The following VAV2 variants were observed in gnomAD, a reference collection of about 807,000 sequenced individuals.
VAV2 encodes the protein guanine nucleotide exchange factor VAV2.
A neutral mutation model predicts 132.5 loss-of-function variants in VAV2; 67 were observed. That is an observed-to-expected ratio of 0.51 (90% confidence interval 0.42 to 0.62). The LOEUF is 0.62. VAV2 is among the 20% of genes least tolerant of loss of function. VAV2 has a pLI of 0.00. For missense variants in VAV2, 938 were observed against 1,153.6 expected (o/e 0.81, Z 2.71); for synonymous variants, 492 against 443.5 (o/e 1.11, Z -1.37).
chr9:133,764,115 A>G lies in VAV2; in HGVS notation c.2590-6T>C, dbSNP rs1325417201. The G allele has an allele frequency of 1.9e-6, 3 of 1,610,992 alleles. No homozygotes were observed. In the Admixed American group the frequency reaches 5.0e-5, roughly 27 times the overall value. On this transcript the variant is annotated splice_region_variant and splice_polypyrimidine_tract_variant and intron_variant, in intron 29 of 29. Coordinates refer to ENST00000371850, the MANE Select transcript of VAV2 (RefSeq NM_001134398.2). ...GTTGAAGGAAACCAGCCAATCTGAA[A>G]AAGATGGTAAGATCGTGTCTGTGTG...
At chr9:133,815,860 G>C (rs1335560817) in intron 4 of VAV2, among the ~76,000 whole-genome samples, 1 of 152,158 alleles carries the variant, frequency 6.6e-6, no homozygotes, top group Admixed American at 6.6e-5. Flanking sequence ...AATTCCACTA[G>C]GACTGGAACT....
chr9:133,776,619 G>A (rs1037512651), intron 23 of VAV2, among the ~76,000 whole-genome samples: 3 of 152,162 alleles, frequency 2.0e-5, no homozygotes, highest in Non-Finnish European at 4.4e-5. Context: ...TGAGGCCTGG[G>A]GAAGGGAAGG....
Position 133,780,726 on chromosome 9 carries a change from GT to G in VAV2, c.1724-17del. Reference sequence around the variant, plus strand: ...GCAGGAGAAGCTGGAAAGGAAGCAGGTCAGGTGTTAGAGGGGAGGCCACCGA... The same window carrying G: ...GCAGGAGAAGCTGGAAAGGAAGCAGGCAGGTGTTAGAGGGGAGGCCACCGA... On this transcript the variant is annotated splice_polypyrimidine_tract_variant and intron_variant, in intron 19 of 29. Coordinates refer to ENST00000371850, the MANE Select transcript of VAV2 (RefSeq NM_001134398.2). The G allele has an allele frequency of 7.9e-7, 1 of 1,273,384 alleles. No individual in the cohort carries two copies. Among genetic ancestry groups the G allele is most frequent in the Non-Finnish European group, 1.0e-6 (1 of 1,001,444 alleles). 78.9% of individuals were successfully genotyped at this position (1,273,384 alleles called of 1,614,324 possible).
intron 2 of VAV2, among the ~76,000 whole-genome samples, chr9:133,920,815 G>A (rs1840271706): frequency 1.3e-5 from 2 of 152,136 alleles, no homozygotes; most frequent in African/African-American, 2.4e-5. Context: ...CTCCACTAGT[G>A]AAAGGGGCCC....
intron 21 of VAV2, among the ~76,000 whole-genome samples, chr9:133,779,351 T>C (rs966172406): frequency 4.5e-4 from 69 of 152,218 alleles, no homozygotes; most frequent in African/African-American, 1.6e-3. Flanking sequence ...CAAGCCTTGC[T>C]CTGACCCAGC....
In VAV2 at chr9:133,969,067, C is replaced by T. The variant is rs1842240447; in HGVS notation, c.204+23008G>A. On this transcript the variant is annotated intron_variant, in intron 1 of 29. Transcript: ENST00000371850. This position sits in a 1 kb window ranked among gnomAD's most constrained non-coding sequence, Gnocchi z 5.1. ...TGTTTTGGGTTTTGAGGCAGTTTGG[C>T]CGGGTGTCGGTGAAAGCCGTCTAGT... is the stretch of plus-strand genomic sequence containing the variant. Among the ~76,000 whole-genome samples, 4 of 152,102 alleles carry T rather than the reference C, an allele frequency of 2.6e-5. No homozygotes were observed. The highest frequency in any genetic ancestry group is 1.3e-4 in the Admixed American group (2 of 15,268).
intron 3 of VAV2, among the ~76,000 whole-genome samples, chr9:133,859,872 A>C (rs1240160903): frequency 6.6e-6 from 1 of 152,214 alleles, no homozygotes; most frequent in African/African-American, 2.4e-5. Context: ...TGGCGGAGGG[A>C]CTGGTGGGGC....
At chr9:133,909,198 A>T (rs759765308) in intron 2 of VAV2, among the ~76,000 whole-genome samples, 24 of 152,004 alleles carry the variant, frequency 1.6e-4, no homozygotes, top group Non-Finnish European at 3.1e-4. Context: ...CCCGGTGGAG[A>T]CAAATCTGGA....
intron 22 of VAV2, 145 bp from the exon 23 acceptor site, chr9:133,777,608 C>T (rs1008492993): frequency 2.3e-5 from 18 of 784,182 alleles, no homozygotes; most frequent in South Asian, 8.4e-5. Context: ...TCAGCTGACC[C>T]GGCAGCCAGT....
At chr9:133,771,909 C>T in intron 26 of VAV2, 50 bp downstream of exon 26, 1 of 1,542,008 alleles carries the variant, frequency 6.5e-7, no homozygotes, top group East Asian at 2.2e-5. Flanking sequence ...GAGGAAGCAC[C>T]TGTCCCCTGT....
chr9:133,869,248 A>G (rs571505927), intron 2 of VAV2, among the ~76,000 whole-genome samples: 33 of 152,190 alleles, frequency 2.2e-4, no homozygotes, highest in African/African-American at 7.5e-4. Context: ...TCGGCCTCCC[A>G]AAGTGCCGGG....
At chr9:133,896,208 A>G (rs1043226067) in intron 2 of VAV2, among the ~76,000 whole-genome samples, 1 of 152,224 alleles carries the variant, frequency 6.6e-6, no homozygotes, top group Non-Finnish European at 1.5e-5. Flanking sequence ...TAATCCCAGC[A>G]CTTTGGGAGC....
intron 2 of VAV2, among the ~76,000 whole-genome samples, chr9:133,938,032 G>A (rs542461579): frequency 1.4e-4 from 21 of 152,202 alleles, no homozygotes; most frequent in Non-Finnish European, 2.6e-4. Context: ...ACTTCCACAC[G>A]CTCCTCTCAG....
rs1272858720 is a variant in VAV2, at chr9:133,885,783, T to C, written c.322-24351A>G. 1.3e-5 allele frequency among the ~76,000 whole-genome samples: 2 copies of C among 152,132 alleles called. No homozygotes were observed. The highest frequency in any genetic ancestry group is 2.9e-5 in the Non-Finnish European group (2 of 68,024). ...CCCTGACCTCGCAAACCCACCACGG[T>C]GCCGGCACAAACCCTTCACAAAGCA... On this transcript the variant is annotated intron_variant, in intron 2 of 29. Transcript: ENST00000371850. This position sits in a 1 kb window ranked among gnomAD's most constrained non-coding sequence, Gnocchi z 5.0.
chr9:133,834,374 G>C lies in VAV2; in HGVS notation c.381-34C>G, dbSNP rs1349874564. The stretch of plus-strand genomic sequence containing the variant: ...GAGAAGGCGAGAGGGAGGTGAGCAG[G>C]TCCCGGCACTGCCGGCCAGTGGGAC... On this transcript the variant is annotated intron_variant, in intron 3 of 29. Coordinates refer to ENST00000371850, the MANE Select transcript of VAV2 (RefSeq NM_001134398.2). This position sits in a 1 kb window ranked among gnomAD's most constrained non-coding sequence, Gnocchi z 5.9. The C allele has an allele frequency of 6.2e-7, 1 of 1,603,006 alleles. No individual in the cohort carries two copies. Among genetic ancestry groups the C allele is most frequent in the South Asian group, 1.1e-5 (1 of 89,436 alleles).
At chr9:133,765,258 TATTACCCTGCAA>T (rs989829801) in intron 29 of VAV2, among the ~76,000 whole-genome samples, 8 of 152,244 alleles carry the variant, frequency 5.3e-5, no homozygotes, top group Non-Finnish European at 1.2e-4. Context: ...AACCTCAAAG[TATTACCCTGCAA>T]ATTACTTGCT....
intron 1 of VAV2, among the ~76,000 whole-genome samples, chr9:133,979,523 G>A (rs553808881): frequency 1.3e-5 from 2 of 152,300 alleles, no homozygotes; most frequent in South Asian, 4.1e-4. Flanking sequence ...TCCGGAACTC[G>A]GACAGAGGAT....
Position 133,784,389 on chromosome 9 carries a change from G to A in VAV2, c.1562C>T (p.Ala521Val), listed in dbSNP as rs1588169418. ...MSNIKPDKAN[A>V]NHHSFQMYTF... is the part of the protein sequence containing the mutation. ...GTACATCTGGAAACTGTGGTGGTTG[G>A]CATTGGCTTTGTCTGGCTTGATGTT... is the stretch of plus-strand genomic sequence containing the variant. Residue 521 changes from alanine (A) to valine (V), a missense_variant, in exon 18 of 30, where the codon GCC (alanine) becomes GTC (valine). By Grantham distance (64) the Ala-to-Val change is moderately conservative. Coordinates refer to ENST00000371850, the MANE Select transcript of VAV2 (RefSeq NM_001134398.2). 25 of 1,614,220 alleles carry A rather than the reference G, an allele frequency of 1.5e-5. No individual in the cohort carries two copies. The East Asian group carries it at 5.6e-4, about 36-fold the overall frequency.
chr9:133,774,639 G>C (rs569116912), intron 25 of VAV2, among the ~76,000 whole-genome samples: 1 of 152,266 alleles, frequency 6.6e-6, no homozygotes, highest in East Asian at 1.9e-4. Context: ...CCACCCACTT[G>C]TACCTGAGCT....
Sources: allele counts gnomAD v4.1 joint callset (sites outside exome capture counted in the v4.1 genomes callset), GRCh38; gene constraint gnomAD v4.1.1; non-coding constraint Gnocchi (gnomAD v3.1); transcripts MANE v1.5; gene names NCBI Gene and HGNC (gene_info 2026-07-23, HGNC 2026-07-21).